Variants in PCDHA11 observed in about 807,000 individuals in gnomAD.
PCDHA11 encodes protocadherin alpha 11, also known as protocadherin alpha-11.
PCDHA11 carries 61 observed loss-of-function variants against 70.3 expected under a neutral mutation model. The ratio of observed to expected loss-of-function variants is 0.87; its 90% CI spans 0.71 to 1.07. PCDHA11 has a LOEUF of 1.07. Among genes scored for constraint, PCDHA11 ranks in the 50% least tolerant of loss-of-function variants. The pLI is 0.00. For missense variants in PCDHA11, 1,324 were observed against 1,237.5 expected, an observed-to-expected ratio of 1.07 and a Z score of -1.05; for synonymous variants, 633 against 555.1, an observed-to-expected ratio of 1.14 and a Z score of -1.97.
chr5:140,999,176 T>A (rs546665453), intron 3 of PCDHA11, among the ~76,000 whole-genome samples: 1 of 152,274 alleles, frequency 6.6e-6, no homozygotes, highest in African/African-American at 2.4e-5. Context: ...AAGAGCCTGA[T>A]GGGGAGAGGG....
chr5:140,904,926 A>G (rs1459530811), intron 1 of PCDHA11, among the ~76,000 whole-genome samples: 1 of 152,130 alleles, frequency 6.6e-6, no homozygotes, highest in Admixed American at 6.5e-5. Context: ...ACTTCCTTGT[A>G]GGTTCTGGAT....
intron 1 of PCDHA11, among the ~76,000 whole-genome samples, chr5:140,973,202 T>C (rs1266876355): frequency 3.3e-5 from 5 of 152,244 alleles, no homozygotes; most frequent in African/African-American, 1.2e-4. Flanking sequence ...TATGTGTGCA[T>C]ATTCACCCTA....
chr5:140,967,749 C>G (rs1554229896), intron 1 of PCDHA11: 1 of 1,614,172 alleles, frequency 6.2e-7, no homozygotes, highest in Non-Finnish European at 8.5e-7. Context: ...TATGAGGAAG[C>G]CTCCTCCTAC....
rs543512832 is a variant in PCDHA11 at position 140,899,964 on chromosome 5, T to C, written c.2391+28470T>C. On this transcript the variant is annotated intron_variant, in intron 1 of 3. Coordinates refer to ENST00000398640, the MANE Select transcript of PCDHA11 (RefSeq NM_018902.5). Reference sequence around the variant, plus strand: ...CTGGGACCACAGGCATGTGCTGCCATGCCCAGCTACTTTTTTGATTTTTTT... The same window carrying C: ...CTGGGACCACAGGCATGTGCTGCCACGCCCAGCTACTTTTTTGATTTTTTT... 3.3e-5 allele frequency among the ~76,000 whole-genome samples: 5 copies of C among 151,940 alleles called. No individual in the cohort carries two copies. In the South Asian group the frequency reaches 6.2e-4, roughly 19 times the overall value.
At chr5:140,892,207 A>C (rs1562863208) in intron 1 of PCDHA11, among the ~76,000 whole-genome samples, 1 of 152,110 alleles carries the variant, frequency 6.6e-6, no homozygotes, top group African/African-American at 2.4e-5. Context: ...TGTGTTTTAA[A>C]ATTGTATCTT....
chr5:140,893,922 G>C (rs1179113151), intron 1 of PCDHA11, among the ~76,000 whole-genome samples: 4 of 152,156 alleles, frequency 2.6e-5, no homozygotes. Context: ...GTCTTTTTCA[G>C]AATCTCTACC....
intron 2 of PCDHA11, among the ~76,000 whole-genome samples, chr5:140,980,777 A>C (rs2096905451): frequency 6.6e-6 from 1 of 152,244 alleles, no homozygotes; most frequent in Non-Finnish European, 1.5e-5. Flanking sequence ...ATTGAAATTA[A>C]AATGCCATTT....
At chr5:140,945,366 T>A (rs1367581632) in intron 1 of PCDHA11, among the ~76,000 whole-genome samples, 6 of 152,036 alleles carry the variant, frequency 3.9e-5, no homozygotes, top group Non-Finnish European at 8.8e-5. Context: ...GTTTAAAATG[T>A]CCATATTACC....
chr5:140,981,969 T>C (rs1438723039), intron 2 of PCDHA11, among the ~76,000 whole-genome samples: 1 of 152,146 alleles, frequency 6.6e-6, no homozygotes, highest in African/African-American at 2.4e-5. Context: ...ATAAAAGATA[T>C]AGAAAGAGTA....
At chr5:140,877,540 G>A (rs1044322759) in intron 1 of PCDHA11, 2 of 1,613,770 alleles carry the variant, frequency 1.2e-6, no homozygotes, top group East Asian at 2.2e-5. Flanking sequence ...TGTGGATCCC[G>A]AAGCGGCTCT....
At chr5:140,932,192 T>C (rs1359260162) in intron 1 of PCDHA11, among the ~76,000 whole-genome samples, 4 of 151,968 alleles carry the variant, frequency 2.6e-5, no homozygotes, top group African/African-American at 9.6e-5. Context: ...GTCCATTTTT[T>C]TCTGTTAATA....
At chr5:140,967,051 G>A in intron 1 of PCDHA11, 1 of 1,612,562 alleles carries the variant, frequency 6.2e-7, no homozygotes, top group Non-Finnish European at 8.5e-7. Context: ...TGGACCTGAC[G>A]AGTGGAGCGC....
rs782035990 is a variant in PCDHA11 at position 140,871,124 on chromosome 5, C to A, written c.2021C>A (p.Ala674Glu). 142 of 1,613,206 alleles carry A rather than the reference C, an allele frequency of 8.8e-5. No individual in the cohort carries two copies. The highest frequency in any genetic ancestry group is 1.2e-4 in the Non-Finnish European group (138 of 1,179,888). Reference sequence around the variant, plus strand: ...GTGTCGTTGGTGGAGAGCGGACAGGCGCCAAAGGCCTCTTCCCGGACTTTG... The same window carrying A: ...GTGTCGTTGGTGGAGAGCGGACAGGAGCCAAAGGCCTCTTCCCGGACTTTG... ...VLVSLVESGQ[A>E]PKASSRTLAG... Residue 674 changes from alanine to glutamate, a missense_variant, in exon 1 of 4, where the codon GCG (alanine) becomes GAG (glutamate). Coordinates refer to ENST00000398640, the MANE Select transcript of PCDHA11 (RefSeq NM_018902.5).
rs116326633 is a variant in PCDHA11 at position 141,003,488 on chromosome 5, G to A, written c.2540-6139G>A. Reference sequence around the variant, plus strand: ...CACCACAGTCTCGCTAATTTTTATAGTTTTAGTAGAGATGGGGTTTCACCA... The same window carrying A: ...CACCACAGTCTCGCTAATTTTTATAATTTTAGTAGAGATGGGGTTTCACCA... On this transcript the variant is annotated intron_variant, in intron 3 of 3. Transcript: ENST00000398640. 8.1e-3 allele frequency among the ~76,000 whole-genome samples: 1,225 copies of A among 152,062 alleles called. 19 individuals are homozygous for A. The highest frequency in any genetic ancestry group is 0.028 in the African/African-American group (1,155 of 41,502).
At chr5:140,942,332 C>T (rs2093271266) in intron 1 of PCDHA11, among the ~76,000 whole-genome samples, 1 of 151,760 alleles carries the variant, frequency 6.6e-6, no homozygotes, top group Non-Finnish European at 1.5e-5. Flanking sequence ...ATCACTTGAA[C>T]CAGAGGGAGG....
In PCDHA11 at chr5:140,982,553, T is replaced by A. The variant is rs782605920; in HGVS notation, c.2529T>A (p.Ser843Arg). The A allele has an allele frequency of 1.9e-5, 30 of 1,614,054 alleles. No homozygotes were observed. In the South Asian group the frequency reaches 3.2e-4, roughly 17 times the overall value. ...GPDQQWPTVS[S>R]ATPEPEAGEV... ...ATCAGCAGTGGCCAACAGTATCCAG[T>A]GCAACACCAGGTAAAGAGCTGGGGT... The change falls in exon 3 of 4, where the codon AGT (serine) becomes AGA (arginine). Residue 843 changes from serine (S) to arginine (R), a missense_variant. Transcript: ENST00000398640.
chr5:140,941,241 T>TTCTTTCTTTCTTTC (rs1247398838), intron 1 of PCDHA11, among the ~76,000 whole-genome samples: 1 of 140,458 alleles, frequency 7.1e-6, no homozygotes, highest in Non-Finnish European at 1.5e-5. Flanking sequence ...CTTTCTTTCT[T>TTCTTTCTTTCTTTC]TCTTTCTTTC....
At chr5:140,937,070 C>G (rs1363778213) in intron 1 of PCDHA11, among the ~76,000 whole-genome samples, 2 of 147,796 alleles carry the variant, frequency 1.4e-5, no homozygotes, top group Admixed American at 1.4e-4. Context: ...CGGAGTCTCG[C>G]TCTGTCGCCC....
chr5:140,962,288 A>G (rs1310558261), intron 1 of PCDHA11, among the ~76,000 whole-genome samples: 2 of 152,192 alleles, frequency 1.3e-5, no homozygotes, highest in African/African-American at 4.8e-5. Flanking sequence ...TCAACCTTTA[A>G]TATTCTATGA....
Sources: allele counts gnomAD v4.1 joint callset (sites outside exome capture counted in the v4.1 genomes callset), GRCh38; gene constraint gnomAD v4.1.1; transcripts MANE v1.5; gene names NCBI Gene and HGNC (gene_info 2026-07-23, HGNC 2026-07-21).